TRIQK: variants seen among roughly 807,000 people sequenced by gnomAD.
The protein encoded by TRIQK is triple QxxK/R motif-containing protein.
In TRIQK, 10 loss-of-function variants were observed where a neutral mutation model predicts 10.8. The observed-to-expected ratio is 0.92, with a 90% CI of 0.57 to 1.57. The LOEUF (loss-of-function observed/expected upper bound fraction) is 1.57. Among genes scored for constraint, TRIQK ranks in the 40% most tolerant of loss-of-function variants. The probability of loss-of-function intolerance (pLI) is 0.00; values close to 1 mark genes in which losing one functional copy is unlikely to be tolerated. For synonymous variants in TRIQK, 33 were observed against 33.7 expected (o/e 0.98, Z 0.07); for missense variants, 107 against 97.7 (o/e 1.09, Z -0.40).
intron 1 of TRIQK, among the ~76,000 whole-genome samples, chr8:92,988,897 T>C (rs1821461138): frequency 6.6e-6 from 1 of 152,200 alleles, no homozygotes; most frequent in African/African-American, 2.4e-5. Context: ...TTCCTTTTTG[T>C]TGTTTTAGCT....
At chr8:92,895,893 A>C (rs887902628) in intron 3 of TRIQK, among the ~76,000 whole-genome samples, 9 of 152,294 alleles carry the variant, frequency 5.9e-5, no homozygotes, top group African/African-American at 2.2e-4. Flanking sequence ...GAAAAGATTT[A>C]TAAAACTCTC....
At chr8:92,930,763 T>G (rs938317584) in intron 2 of TRIQK, among the ~76,000 whole-genome samples, 3 of 152,160 alleles carry the variant, frequency 2.0e-5, no homozygotes, top group Non-Finnish European at 4.4e-5. Flanking sequence ...TCACAAACTT[T>G]GAGTTTTCAA....
intron 2 of TRIQK, among the ~76,000 whole-genome samples, chr8:92,937,128 A>G (rs560428480): frequency 7.0e-4 from 106 of 152,026 alleles, no homozygotes; most frequent in African/African-American, 2.5e-3. Flanking sequence ...GTTTTTAATA[A>G]CAGCAAAAAA....
At chr8:92,990,007 A>T (rs890631105) in intron 1 of TRIQK, among the ~76,000 whole-genome samples, 3 of 152,266 alleles carry the variant, frequency 2.0e-5, no homozygotes, top group South Asian at 2.1e-4. Flanking sequence ...TAAGTGATTT[A>T]AAAAAATACT....
rs962080175 is a variant in TRIQK at position 92,913,572 on chromosome 8, G to A, written c.61+3357C>T. Reference sequence around the variant, plus strand: ...AGAAGACATTGTGGTGATTCCTCAAGGATCTAGAACCAAAAATACCATTTG... The same window carrying A: ...AGAAGACATTGTGGTGATTCCTCAAAGATCTAGAACCAAAAATACCATTTG... On this transcript the variant is annotated intron_variant, in intron 3 of 4. Coordinates refer to ENST00000521988, the MANE Select transcript of TRIQK (RefSeq NM_001171797.2). Among the ~76,000 whole-genome samples the A allele has an allele frequency of 2.0e-5, 3 of 152,086 alleles. No homozygotes were observed. In the South Asian group the frequency reaches 6.2e-4, roughly 31 times the overall value.
In TRIQK at chr8:92,985,660, A is replaced by T. The variant is rs533389319; in HGVS notation, c.-180-31096T>A. Among the ~76,000 whole-genome samples, 74 of 152,292 alleles carry T rather than the reference A, an allele frequency of 4.9e-4. No homozygotes were observed. In the South Asian group the frequency reaches 0.015, roughly 30 times the overall value. ...AGGTTTCACCAGGCCAGGTTGTCAT[A>T]AAACCTCTGGTAAACTTGACTGAAG... On this transcript the variant is annotated intron_variant, in intron 1 of 4. Transcript: ENST00000520686.
intron 2 of TRIQK, among the ~76,000 whole-genome samples, chr8:92,918,197 A>G (rs144420409): frequency 5.5e-4 from 83 of 152,156 alleles, no homozygotes; most frequent in African/African-American, 1.9e-3. Context: ...GAGTTCAGAT[A>G]TGTCTTCCAT....
intron 3 of TRIQK, among the ~76,000 whole-genome samples, chr8:92,916,229 A>C (rs1215941909): frequency 6.6e-6 from 1 of 152,154 alleles, no homozygotes; most frequent in East Asian, 1.9e-4. Context: ...GTAGGTAGGT[A>C]ATTTTTTAGA....
intron 3 of TRIQK, among the ~76,000 whole-genome samples, chr8:92,895,842 T>C (rs779903650): frequency 2.0e-5 from 3 of 151,616 alleles, no homozygotes; most frequent in Non-Finnish European, 2.9e-5. Flanking sequence ...AAAAAAGAAA[T>C]GACTAAAAGG....
intron 1 of TRIQK, among the ~76,000 whole-genome samples, chr8:92,957,345 TACAG>T (rs1410674007): frequency 6.6e-6 from 1 of 151,750 alleles, no homozygotes; most frequent in Non-Finnish European, 1.5e-5. Flanking sequence ...TACATACACA[TACAG>T]ATACACATAT....
At chr8:92,902,115 T>C (rs1483506939) in intron 3 of TRIQK, among the ~76,000 whole-genome samples, 1 of 152,134 alleles carries the variant, frequency 6.6e-6, no homozygotes, top group East Asian at 1.9e-4. Flanking sequence ...ACACCCCAAG[T>C]CCACTGGTTC....
At chr8:92,900,247 A>C (rs1027038402) in intron 3 of TRIQK, among the ~76,000 whole-genome samples, 17 of 151,994 alleles carry the variant, frequency 1.1e-4, no homozygotes, top group Admixed American at 5.9e-4. Flanking sequence ...GAGCTTTTTA[A>C]TATGATGTAA....
intron 1 of TRIQK, chr8:92,973,520 G>A (rs1435138388): frequency 6.6e-6 from 1 of 151,860 alleles, no homozygotes; most frequent in African/African-American, 2.4e-5. Flanking sequence ...TTTAAACAAC[G>A]GGCCACACAC....
intron 1 of TRIQK, among the ~76,000 whole-genome samples, chr8:93,007,984 T>C (rs540667778): frequency 1.3e-5 from 2 of 152,302 alleles, no homozygotes; most frequent in African/African-American, 4.8e-5. Context: ...GACCATGTCC[T>C]TTGCAGGGAC....
At chr8:92,968,178 C>A (rs1812836654), upstream of TRIQK, among the ~76,000 whole-genome samples, 1 of 152,110 alleles carries the variant, frequency 6.6e-6, no homozygotes, top group Non-Finnish European at 1.5e-5. Context: ...ATATGTGCCA[C>A]ATTTTCTTTA....
At chr8:93,000,730 GT>G (rs1813201703) in intron 1 of TRIQK, among the ~76,000 whole-genome samples, 1 of 152,076 alleles carries the variant, frequency 6.6e-6, no homozygotes, top group African/African-American at 2.4e-5. Flanking sequence ...CCAAATTTAA[GT>G]TGTTATCAGC....
At chr8:92,894,447 A>AG (rs1273498850) in intron 3 of TRIQK, among the ~76,000 whole-genome samples, 2 of 149,420 alleles carry the variant, frequency 1.3e-5, no homozygotes, top group African/African-American at 2.5e-5. Context: ...CTTACACCTA[A>AG]GGGAAAAAAA....
intron 1 of TRIQK, among the ~76,000 whole-genome samples, chr8:93,009,404 G>A (rs932549736): frequency 6.6e-6 from 1 of 152,164 alleles, no homozygotes; most frequent in African/African-American, 2.4e-5. Context: ...GAGGTCAGGA[G>A]TTTGAGACCA....
At chr8:92,940,595 T>C (rs966087140) in intron 2 of TRIQK, among the ~76,000 whole-genome samples, 4 of 152,182 alleles carry the variant, frequency 2.6e-5, no homozygotes, top group Non-Finnish European at 4.4e-5. Context: ...TAAATATATA[T>C]GCACCCAACA....
Sources: allele counts gnomAD v4.1 joint callset (sites outside exome capture counted in the v4.1 genomes callset), GRCh38; gene constraint gnomAD v4.1.1; transcripts MANE v1.5; gene names NCBI Gene and HGNC (gene_info 2026-07-23, HGNC 2026-07-21).